The following BATF3 variants were observed in gnomAD, a reference collection of about 807,000 sequenced individuals.
The protein encoded by BATF3 is basic leucine zipper transcriptional factor ATF-like 3.
Under a neutral mutation model 16.1 loss-of-function variants are expected in BATF3, and 8 were observed. The ratio of observed to expected loss-of-function variants is 0.50; its 90% CI spans 0.29 to 0.90. The LOEUF (loss-of-function observed/expected upper bound fraction) is 0.90. Among genes scored for constraint, BATF3 ranks in the 40% least tolerant of loss-of-function variants. BATF3 has a pLI of 0.08. For missense variants in BATF3, 139 were observed against 167.0 expected (o/e 0.83, Z 0.92); for synonymous variants, 74 against 72.7 (o/e 1.02, Z -0.09).
chr1:212,687,960 AG>A (rs1656887146), intron 2 of BATF3, among the ~76,000 whole-genome samples: 2 of 144,524 alleles, frequency 1.4e-5, no homozygotes, highest in African/African-American at 2.6e-5. Flanking sequence ...AAAGAGAGAA[AG>A]AAAAAAAAAG....
At position 212,689,957 on chromosome 1, in the gene BATF3, A is replaced by T. The variant is rs79224163; in HGVS notation, c.196-2978T>A. 0.047 allele frequency among the ~76,000 whole-genome samples: 6,904 copies of T among 145,652 alleles called. 508 individuals are homozygous for T. Among genetic ancestry groups the T allele is most frequent in the African/African-American group, 0.18 (6,307 of 35,768 alleles). ...TACACAATCAACACACAGTCACACA[A>T]ACACTCTCACAGTCACACACATACA... is the stretch of plus-strand genomic sequence containing the variant. On this transcript the variant is annotated intron_variant, in intron 2 of 2. Transcript: ENST00000243440. This position sits in a 1 kb window ranked among gnomAD's most constrained non-coding sequence, Gnocchi z 4.6.
rs190952354 is a variant in BATF3 at position 212,697,083 on chromosome 1, G to T, written c.91-18C>A. 2.5e-6 allele frequency: 4 copies of T among 1,603,570 alleles called. No individual in the cohort carries two copies. The highest frequency in any genetic ancestry group is 3.4e-6 in the Non-Finnish European group (4 of 1,170,672). ...TCAGGGCTCTGGGGAAAAACACTGG[G>T]TGGGTGTGATGTCGTGGCCCCTCGC... is the stretch of plus-strand genomic sequence containing the variant. On this transcript the variant is annotated intron_variant, in intron 1 of 2. Transcript: ENST00000243440.
chr1:212,693,070 G>A (rs1399890365), intron 2 of BATF3, among the ~76,000 whole-genome samples: 1 of 152,178 alleles, frequency 6.6e-6, no homozygotes, highest in African/African-American at 2.4e-5. Flanking sequence ...GTCATGGCCC[G>A]CAGTAGTGTG....
rs557582147 is a variant in BATF3 at position 212,699,612 on chromosome 1, G to A, written c.90+61C>T. The A allele has an allele frequency of 4.9e-6, 6 of 1,227,274 alleles. No individual in the cohort carries two copies. The highest frequency in any genetic ancestry group is 2.1e-4 in the Middle Eastern group (1 of 4,740). 76.0% of individuals were successfully genotyped at this position (1,227,274 alleles called of 1,614,324 possible). A position where few individuals can be genotyped will look rare whatever the true frequency, so the allele number is the denominator to read the frequency against. On this transcript the variant is annotated intron_variant, in intron 1 of 2. Coordinates refer to ENST00000243440, the MANE Select transcript of BATF3 (RefSeq NM_018664.3). The surrounding 1 kb of genome is among the most constrained non-coding windows in gnomAD (Gnocchi z 4.4). The stretch of plus-strand genomic sequence containing the variant: ...ACGGAACTCCAGCACCCACCTCCTC[G>A]CCCCCCGCGGCGCGCCGGTCCCCGC...
At position 212,695,557 on chromosome 1, in the gene BATF3, T is replaced by G. The variant is rs375730193; in HGVS notation, c.195+1404A>C. 8.8e-5 allele frequency among the ~76,000 whole-genome samples: 13 copies of G among 147,006 alleles called. No individual in the cohort carries two copies. In the East Asian group the frequency reaches 1.4e-3, roughly 16 times the overall value. On this transcript the variant is annotated intron_variant, in intron 2 of 2. Coordinates refer to ENST00000243440, the MANE Select transcript of BATF3 (RefSeq NM_018664.3). ...GGCTGAGGGGATGAGGTGGGAAGAT[T>G]GCTTGAGCCTGGGAGGTGGAGGCTG...
In BATF3 at chr1:212,699,478, T is replaced by G. The variant is rs1373102489; in HGVS notation, c.90+195A>C. Among the ~76,000 whole-genome samples, 6 of 151,996 alleles carry G rather than the reference T, an allele frequency of 3.9e-5. No homozygotes were observed. The highest frequency in any genetic ancestry group is 8.8e-5 in the Non-Finnish European group (6 of 67,984). On this transcript the variant is annotated intron_variant, in intron 1 of 2. Transcript: ENST00000243440. This position sits in a 1 kb window ranked among gnomAD's most constrained non-coding sequence, Gnocchi z 4.4. ...GCCATTCCAGGAGCCGCGGACACTG[T>G]GCGCACGACAGGGTCCCTGGATCGC...
At chr1:212,696,468 C>T (rs72758412) in intron 2 of BATF3, among the ~76,000 whole-genome samples, 17,062 of 149,786 alleles carry the variant, frequency 0.11, 1,070 homozygotes, top group Middle Eastern at 0.19. Flanking sequence ...ACATTGGGTA[C>T]ATGTGTGAAT....
chr1:212,696,943 C>T lies in BATF3; in HGVS notation c.195+18G>A, dbSNP rs1328078112. Reference sequence around the variant, plus strand: ...GGCTGTGTGGCTCTAAGGTGGCTTGCCCCTACCACGGTCTCACCTCATGGA... The same window carrying T: ...GGCTGTGTGGCTCTAAGGTGGCTTGTCCCTACCACGGTCTCACCTCATGGA... On this transcript the variant is annotated intron_variant, in intron 2 of 2. Transcript: ENST00000243440. 6.2e-7 allele frequency: 1 copy of T among 1,606,108 alleles called. No individual in the cohort carries two copies. The highest frequency in any genetic ancestry group is 1.1e-5 in the South Asian group (1 of 90,900).
At chr1:212,698,277 C>T (rs954474945) in intron 1 of BATF3, 1 of 152,232 alleles carries the variant, frequency 6.6e-6, no homozygotes, top group Non-Finnish European at 1.5e-5. Context: ...CACACAGATC[C>T]TAGTTTTGTC....
At chr1:212,697,287 G>A (rs1034318016) in intron 1 of BATF3, 22 of 488,070 alleles carry the variant, frequency 4.5e-5, no homozygotes, top group Non-Finnish European at 6.6e-5. Flanking sequence ...AAAAGATGAG[G>A]AATAAGAAAC....
intron 2 of BATF3, among the ~76,000 whole-genome samples, chr1:212,688,931 C>A (rs1656927967): frequency 6.6e-6 from 1 of 152,080 alleles, no homozygotes; most frequent in Non-Finnish European, 1.5e-5. Flanking sequence ...GATCTTATAG[C>A]CCCCAAAGAC....
chr1:212,686,738 C>T lies in BATF3; in HGVS notation c.*53G>A. 6.4e-7 allele frequency: 1 copy of T among 1,566,312 alleles called. No individual in the cohort carries two copies. The highest frequency in any genetic ancestry group is 8.7e-7 in the Non-Finnish European group (1 of 1,155,780). On this transcript the variant is annotated 3_prime_UTR_variant, in exon 3 of 3. Coordinates refer to ENST00000243440, the MANE Select transcript of BATF3 (RefSeq NM_018664.3). ...CAATTGTGAAGGAAAAGCCTTCCTC[C>T]CAGGTATGAAAATGACCAAGGCTCC...
In BATF3 at chr1:212,686,974, A is replaced by G. The variant is rs1334611545; in HGVS notation, c.201T>C (p.Tyr67=). ...TGGTGTTTTCTTGCTCCAGGCTCTC[A>G]TATTCCTGGGGGAGACAGAATGGGC... ...TQKADKLHEE[Y]ESLEQENTML... is the part of the protein sequence containing the mutation. The change falls in exon 3 of 3, where the codon TAT becomes TAC. Residue 67 remains tyrosine, a synonymous_variant. Transcript: ENST00000243440. The G allele has an allele frequency of 6.3e-7, 1 of 1,589,182 alleles. No individual in the cohort carries two copies. The highest frequency in any genetic ancestry group is 1.3e-5 in the African/African-American group (1 of 74,588).
At chr1:212,693,322 G>A (rs1047723644) in intron 2 of BATF3, among the ~76,000 whole-genome samples, 5 of 152,152 alleles carry the variant, frequency 3.3e-5, no homozygotes, top group African/African-American at 7.2e-5. Flanking sequence ...TAAGCCAGTC[G>A]TCTGCTTCCT....
rs1656856910 is a variant in BATF3, at chr1:212,686,663, T to C, written c.*128A>G. ...CCAGTCTGCAGGGAACACAGCTGGC[T>C]GGTCCTGGAGCTCCCAGGAGGAGGC... On this transcript the variant is annotated 3_prime_UTR_variant, in exon 3 of 3. Transcript: ENST00000243440. 6 of 1,412,650 alleles carry C rather than the reference T, an allele frequency of 4.2e-6. No homozygotes were observed. The highest frequency in any genetic ancestry group is 5.6e-6 in the Non-Finnish European group (6 of 1,074,838). The allele number at this position is 1,412,650 out of a possible 1,614,324, so 87.5% of individuals were successfully genotyped here.
Position 212,697,109 on chromosome 1 carries a change from C to T in BATF3, c.91-44G>A, listed in dbSNP as rs201193987. 4.5e-4 allele frequency: 686 copies of T among 1,514,988 alleles called. 1 individual carries two copies. The Middle Eastern group carries it at 6.1e-3, about 14-fold the overall frequency. The allele number at this position is 1,514,988 out of a possible 1,614,324, so 93.8% of individuals were successfully genotyped here. A position where few individuals can be genotyped will look rare whatever the true frequency, so the allele number is the denominator to read the frequency against. On this transcript the variant is annotated intron_variant, in intron 1 of 2. Transcript: ENST00000243440. ...TGGGTGTGATGTCGTGGCCCCTCGC[C>T]TTACCCTTTTCTGCCCTGTCTCATC...
At chr1:212,687,996 A>AAAGAAAGG (rs1274002817) in intron 2 of BATF3, among the ~76,000 whole-genome samples, 39 of 101,332 alleles carry the variant, frequency 3.8e-4, no homozygotes, top group East Asian at 1.7e-3. Flanking sequence ...AGAAAGAAAG[A>AAAGAAAGG]AAGGAAGGAA....
Position 212,696,455 on chromosome 1 carries a change from C to T in BATF3, c.195+506G>A, listed in dbSNP as rs1268453883. Among the ~76,000 whole-genome samples, 5 of 145,820 alleles carry T rather than the reference C, an allele frequency of 3.4e-5. No individual in the cohort carries two copies. In the East Asian group the frequency reaches 1.1e-3, roughly 31 times the overall value. ...GTGTGTGTGTGTGTGTGTGTACACA[C>T]ACACATTGGGTACATGTGTGAATGT... On this transcript the variant is annotated intron_variant, in intron 2 of 2. Coordinates refer to ENST00000243440, the MANE Select transcript of BATF3 (RefSeq NM_018664.3).
rs926131560 is a variant in BATF3 at position 212,699,635 on chromosome 1, C to T, written c.90+38G>A. 15 of 1,271,576 alleles carry T rather than the reference C, an allele frequency of 1.2e-5. No individual in the cohort carries two copies. In the African/African-American group the frequency reaches 1.7e-4, roughly 15 times the overall value. The allele number at this position is 1,271,576 out of a possible 1,614,324, so 78.8% of individuals were successfully genotyped here. A position where few individuals can be genotyped will look rare whatever the true frequency, so the allele number is the denominator to read the frequency against. On this transcript the variant is annotated intron_variant, in intron 1 of 2. Transcript: ENST00000243440. The surrounding 1 kb of genome is among the most constrained non-coding windows in gnomAD (Gnocchi z 4.4). ...TCGCCCCCCGCGGCGCGCCGGTCCCCGCACCCCACGGCCCTCCCTGAGCCT... is the reference window on the plus strand; with the variant it reads ...TCGCCCCCCGCGGCGCGCCGGTCCCTGCACCCCACGGCCCTCCCTGAGCCT...
Sources: allele counts gnomAD v4.1 joint callset (sites outside exome capture counted in the v4.1 genomes callset), GRCh38; gene constraint gnomAD v4.1.1; non-coding constraint Gnocchi (gnomAD v3.1); transcripts MANE v1.5; gene names NCBI Gene and HGNC (gene_info 2026-07-23, HGNC 2026-07-21).